The following CSDE1 variants were observed in gnomAD, a reference collection of about 807,000 sequenced individuals.
CSDE1 encodes cold shock domain-containing protein E1.
In CSDE1, 17 loss-of-function variants were observed where a neutral mutation model predicts 89.3. That is an observed-to-expected ratio of 0.19 (90% CI 0.13 to 0.29). The LOEUF (loss-of-function observed/expected upper bound fraction) is 0.29. CSDE1 is among the 10% of genes least tolerant of loss of function. The pLI is 1.00. For synonymous variants in CSDE1, 322 were observed against 332.8 expected, an observed-to-expected ratio of 0.97 and a Z score of 0.35; for missense variants, 672 against 984.2, an observed-to-expected ratio of 0.68 and a Z score of 4.24.
intron 2 of CSDE1, among the ~76,000 whole-genome samples, chr1:114,744,668 G>C (rs1428359407): frequency 6.6e-6 from 1 of 151,966 alleles, no homozygotes; most frequent in African/African-American, 2.4e-5. Flanking sequence ...ATCTTTGCAA[G>C]GGCGGAACTT....
chr1:114,740,146 T>C (rs1660642176), intron 2 of CSDE1, among the ~76,000 whole-genome samples: 1 of 152,136 alleles, frequency 6.6e-6, no homozygotes. Flanking sequence ...ATTTCTGGGG[T>C]TTAATATTAA....
Position 114,718,604 on chromosome 1 carries a change from C to T in CSDE1, c.2349+9G>A. The T allele has an allele frequency of 6.2e-7, 1 of 1,613,352 alleles. No homozygotes were observed. The highest frequency in any genetic ancestry group is 8.5e-7 in the Non-Finnish European group (1 of 1,179,642). On this transcript the variant is annotated intron_variant, in intron 19 of 19. Coordinates refer to ENST00000358528, the MANE Select transcript of CSDE1 (RefSeq NM_001007553.3). The stretch of plus-strand genomic sequence containing the variant: ...GTTGGCCTCCCCCAAGCCTTGTATG[C>T]CCTCATACCATTGAGTTATCTGGTC...
intron 1 of CSDE1, chr1:114,756,953 A>G (rs1314395982): frequency 6.6e-6 from 1 of 152,252 alleles, no homozygotes; most frequent in Non-Finnish European, 1.5e-5. Context: ...AAAAATTTGA[A>G]GCTGTCTCCG....
chr1:114,725,938 C>T (rs1659769765), intron 14 of CSDE1, among the ~76,000 whole-genome samples: 1 of 152,146 alleles, frequency 6.6e-6, no homozygotes, highest in African/African-American at 2.4e-5. Context: ...CCCAGTCAGA[C>T]CCCTTACTCT....
intron 6 of CSDE1, 46 bp downstream of exon 6, chr1:114,736,711 GA>G (rs750150112): frequency 5.3e-4 from 570 of 1,074,842 alleles, no homozygotes; most frequent in Non-Finnish European, 5.9e-4. Flanking sequence ...ATGGAGGGGG[GA>G]AAAAAAAACC....
At chr1:114,752,259 A>C (rs1661346494) in intron 1 of CSDE1, among the ~76,000 whole-genome samples, 1 of 151,894 alleles carries the variant, frequency 6.6e-6, no homozygotes, top group African/African-American at 2.4e-5. Flanking sequence ...ACAAAACAAA[A>C]ACTCTCCAAT....
At chr1:114,737,349 G>A (rs527265418) in intron 5 of CSDE1, 122 bp downstream of exon 5, 2 of 835,878 alleles carry the variant, frequency 2.4e-6, no homozygotes, top group South Asian at 3.6e-5. Context: ...AAGCCTCTTA[G>A]AAACCAAATT....
chr1:114,733,622 T>G, intron 9 of CSDE1, 110 bp downstream of exon 9: 1 of 900,274 alleles, frequency 1.1e-6, no homozygotes, highest in Non-Finnish European at 1.6e-6. Context: ...TCCTTAGTTG[T>G]TCCACTACCA....
chr1:114,723,748 A>G (rs1659652506), intron 16 of CSDE1, 135 bp downstream of exon 16: 1 of 1,224,776 alleles, frequency 8.2e-7, no homozygotes, highest in Non-Finnish European at 1.2e-6. Flanking sequence ...AAAAGCAAGC[A>G]TGAGAGAGGT....
At chr1:114,743,673 G>A (rs1431470456) in intron 2 of CSDE1, among the ~76,000 whole-genome samples, 2 of 152,184 alleles carry the variant, frequency 1.3e-5, no homozygotes, top group African/African-American at 2.4e-5. Context: ...AAGGGAGACT[G>A]AACCAGAATT....
At chr1:114,742,738 G>A (rs1009329728) in intron 2 of CSDE1, among the ~76,000 whole-genome samples, 1 of 152,138 alleles carries the variant, frequency 6.6e-6, no homozygotes, top group Non-Finnish European at 1.5e-5. Context: ...ACCATCTAAC[G>A]AGATATGGTA....
intron 2 of CSDE1, chr1:114,741,708 T>C (rs558654995): frequency 7.0e-7 from 1 of 1,429,708 alleles, no homozygotes; most frequent in Non-Finnish European, 9.3e-7. Context: ...ATAACTATGA[T>C]CAATAACAAT....
rs1020549514 is a variant in CSDE1, at chr1:114,718,033, T to A, written c.*136A>T. On this transcript the variant is annotated 3_prime_UTR_variant, in exon 20 of 20. Transcript: ENST00000358528. Reference sequence around the variant, plus strand: ...TTTTAAACATAACACGAGGAAGGTGTTAAAACTGGTGTAATAGCTCAATAG... The same window carrying A: ...TTTTAAACATAACACGAGGAAGGTGATAAAACTGGTGTAATAGCTCAATAG... The A allele has an allele frequency of 2.2e-5, 18 of 814,552 alleles. No homozygotes were observed. In the African/African-American group the frequency reaches 3.1e-4, roughly 14 times the overall value. 50.5% of individuals were successfully genotyped at this position (814,552 alleles called of 1,614,324 possible). A position where few individuals can be genotyped will look rare whatever the true frequency, so the allele number is the denominator to read the frequency against.
chr1:114,726,414 AC>A (rs1393016235), intron 13 of CSDE1, 28 bp from the exon 14 acceptor site: 2 of 1,578,744 alleles, frequency 1.3e-6, no homozygotes, highest in East Asian at 2.3e-5. Context: ...GCTCATTAAC[AC>A]CATATCACTT....
rs143985690 is a variant in CSDE1, at chr1:114,754,892, G to A, written c.-388+3033C>T. Reference sequence around the variant, plus strand: ...CCCAGAAACCTAATAGTTTTAAGCAGGACAAATGGCAGTGTGGGAAGATGC... The same window carrying A: ...CCCAGAAACCTAATAGTTTTAAGCAAGACAAATGGCAGTGTGGGAAGATGC... On this transcript the variant is annotated intron_variant, in intron 1 of 19. Coordinates refer to ENST00000358528, the MANE Select transcript of CSDE1 (RefSeq NM_001007553.3). Among the ~76,000 whole-genome samples the A allele has an allele frequency of 1.8e-3, 277 of 152,224 alleles. 3 individuals are homozygous for A. The highest frequency in any genetic ancestry group is 6.3e-3 in the African/African-American group (263 of 41,536).
At chr1:114,726,945 A>G (rs1369229993) in intron 13 of CSDE1, 38 bp downstream of exon 13, 3 of 1,341,428 alleles carry the variant, frequency 2.2e-6, no homozygotes, top group Non-Finnish European at 2.1e-6. Context: ...TAAGATGACA[A>G]CTCTTAACCC....
chr1:114,757,156 G>T (rs1300253336), intron 1 of CSDE1, among the ~76,000 whole-genome samples: 1 of 152,220 alleles, frequency 6.6e-6, no homozygotes, highest in Admixed American at 6.5e-5. Flanking sequence ...TTAGGGACTG[G>T]TTCCCTTTCT....
At position 114,722,703 on chromosome 1, in the gene CSDE1, G is replaced by A. The variant is rs143076783; in HGVS notation, c.1873+1180C>T. 1.5e-3 allele frequency among the ~76,000 whole-genome samples: 223 copies of A among 152,286 alleles called. 2 individuals carry two copies. The highest frequency in any genetic ancestry group is 5.1e-3 in the African/African-American group (211 of 41,544). ...GGGGATGGAAAAGGAAGTAAAAGCA[G>A]CACGTTAGGAGATGGAAGGGCAATT... On this transcript the variant is annotated intron_variant, in intron 16 of 19. Transcript: ENST00000358528.
intron 1 of CSDE1, chr1:114,756,629 C>A (rs1661612654): frequency 6.6e-6 from 1 of 152,206 alleles, no homozygotes; most frequent in African/African-American, 2.4e-5. Context: ...CCAGTTCATA[C>A]CAGCCTGATG....
Sources: gnomAD v4.1 joint callset for allele counts (sites outside exome capture counted in the v4.1 genomes callset) on GRCh38, gnomAD v4.1.1 for gene constraint, MANE v1.5 for transcripts, NCBI Gene and HGNC (gene_info 2026-07-23, HGNC 2026-07-21) for gene names.